The following TTL variants were observed in gnomAD, a reference collection of about 807,000 sequenced individuals.
TTL encodes tubulin--tyrosine ligase.
TTL carries 10 observed loss-of-function variants against 41.1 expected under a neutral mutation model. That is an observed-to-expected ratio of 0.24 (90% CI 0.15 to 0.41). The LOEUF (loss-of-function observed/expected upper bound fraction) is 0.41, where lower values mean the gene tolerates loss of function less well. TTL is among the 10% of genes least tolerant of loss of function. The pLI is 1.00. For missense variants in TTL, 367 were observed against 460.4 expected (o/e 0.80, Z 1.86); for synonymous variants, 175 against 175.5 (o/e 1.00, Z 0.02).
At chr2:112,499,159 A>G (rs1681620268) in intron 3 of TTL, among the ~76,000 whole-genome samples, 1 of 152,058 alleles carries the variant, frequency 6.6e-6, no homozygotes, top group African/African-American at 2.4e-5. Context: ...CTAAGAATAC[A>G]AAAAAATTAG....
In TTL at chr2:112,528,708, C is replaced by T. The variant is rs904403834; in HGVS notation, c.1047C>T (p.Gly349=). Residue 349 remains glycine (G), a synonymous_variant, in exon 7 of 7, where the codon GGC becomes GGT. Transcript: ENST00000233336. ...AGCTCTATGCAGAACTGTGCCAAGG[C>T]ATCGTGGACATAGCCATTTCCAGTG... is the stretch of plus-strand genomic sequence containing the variant. ...AQKLYAELCQ[G]IVDIAISSVF... 2 of 1,614,112 alleles carry T rather than the reference C, an allele frequency of 1.2e-6. No individual in the cohort carries two copies. Among genetic ancestry groups the T allele is most frequent in the Non-Finnish European group, 1.7e-6 (2 of 1,179,992 alleles).
chr2:112,497,970 C>A (rs930661863), intron 3 of TTL, among the ~76,000 whole-genome samples: 3 of 152,198 alleles, frequency 2.0e-5, no homozygotes, highest in Non-Finnish European at 4.4e-5. Flanking sequence ...GAGCAACACA[C>A]AAAACTTAAT....
Position 112,500,139 on chromosome 2 carries a change from A to G in TTL, c.470-1067A>G, listed in dbSNP as rs182083877. Among the ~76,000 whole-genome samples the G allele has an allele frequency of 2.0e-4, 30 of 152,284 alleles. No homozygotes were observed. In the East Asian group the frequency reaches 4.2e-3, roughly 22 times the overall value. On this transcript the variant is annotated intron_variant, in intron 3 of 6. Coordinates refer to ENST00000233336, the MANE Select transcript of TTL (RefSeq NM_153712.5). The stretch of plus-strand genomic sequence containing the variant: ...CCACATACTGTGTGATTCCATTTAT[A>G]TGAAATGTCCAGATGAGACATCCAT...
chr2:112,532,256 C>T lies in TTL; in HGVS notation c.*3461C>T, dbSNP rs1399946928. Reference sequence around the variant, plus strand: ...GGGCACCGGAGTAGGTCCCGTGTAGCATGCGGGTGCTGTAGAGAAAATTCA... The same window carrying T: ...GGGCACCGGAGTAGGTCCCGTGTAGTATGCGGGTGCTGTAGAGAAAATTCA... On this transcript the variant is annotated 3_prime_UTR_variant, in exon 7 of 7. Coordinates refer to ENST00000233336, the MANE Select transcript of TTL (RefSeq NM_153712.5). 4.4e-6 allele frequency: 1 copy of T among 228,502 alleles called. No homozygotes were observed. The highest frequency in any genetic ancestry group is 2.2e-5 in the African/African-American group (1 of 45,070). The allele number at this position is 228,502 out of a possible 1,614,324, so 14.2% of individuals were successfully genotyped here. A position where few individuals can be genotyped will look rare whatever the true frequency, so the allele number is the denominator to read the frequency against.
chr2:112,521,860 C>T (rs559171154), intron 6 of TTL, among the ~76,000 whole-genome samples: 1 of 152,294 alleles, frequency 6.6e-6, no homozygotes, highest in South Asian at 2.1e-4. Flanking sequence ...CAAGGGCCCA[C>T]GATGGGAAGT....
intron 5 of TTL, among the ~76,000 whole-genome samples, chr2:112,517,089 G>C (rs1042257959): frequency 2.7e-5 from 4 of 147,218 alleles, no homozygotes; most frequent in African/African-American, 1.0e-4. Context: ...AAAAAAAGAT[G>C]CACTGTATAA....
chr2:112,530,939 CAAATAAATTT>C lies in TTL; in HGVS notation c.*2155_*2164del, dbSNP rs1682491952. The C allele has an allele frequency of 5.7e-6, 1 of 176,564 alleles. No homozygotes were observed. Among genetic ancestry groups the C allele is most frequent in the African/African-American group, 2.4e-5 (1 of 42,112 alleles). 10.9% of individuals were successfully genotyped at this position (176,564 alleles called of 1,614,324 possible). On this transcript the variant is annotated 3_prime_UTR_variant, in exon 7 of 7. Coordinates refer to ENST00000233336, the MANE Select transcript of TTL (RefSeq NM_153712.5). ...ATTTTTAAAATTTGATTTTAAATTT[CAAATAAATTT>C]AAATAAATTTTAAATAAATTTTAAA...
In TTL at chr2:112,535,936, C is replaced by T. The variant is rs1255969871; in HGVS notation, c.*7141C>T. The T allele has an allele frequency of 6.6e-6, 1 of 152,184 alleles. No individual in the cohort carries two copies. The highest frequency in any genetic ancestry group is 1.5e-5 in the Non-Finnish European group (1 of 68,052). 9.4% of individuals were successfully genotyped at this position (152,184 alleles called of 1,614,324 possible). On this transcript the variant is annotated 3_prime_UTR_variant, in exon 7 of 7. Transcript: ENST00000233336. ...CTTCCCACCTTAGCCACCCAAGTAGCTGGAACTATAGGTGCCTGCCACCAT... is the reference window on the plus strand; with the variant it reads ...CTTCCCACCTTAGCCACCCAAGTAGTTGGAACTATAGGTGCCTGCCACCAT...
Position 112,536,716 on chromosome 2 carries a change from G to C in TTL, c.*7921G>C, listed in dbSNP as rs1259943913. On this transcript the variant is annotated 3_prime_UTR_variant, in exon 7 of 7. Transcript: ENST00000233336. ...CCTCTTGTCATCTTTAGTGTCTCTT[G>C]TTGCCATTTTTGTGTCCATGTGTAT... is the stretch of plus-strand genomic sequence containing the variant. The C allele has an allele frequency of 6.6e-6, 1 of 151,988 alleles. No individual in the cohort carries two copies. The highest frequency in any genetic ancestry group is 1.9e-4 in the East Asian group (1 of 5,178). The allele number at this position is 151,988 out of a possible 1,614,324, so 9.4% of individuals were successfully genotyped here.
intron 6 of TTL, among the ~76,000 whole-genome samples, chr2:112,526,639 T>C (rs1255212208): frequency 6.6e-6 from 1 of 152,230 alleles, no homozygotes; most frequent in Non-Finnish European, 1.5e-5. Flanking sequence ...TGATAACCCC[T>C]TTATCATTTT....
intron 6 of TTL, chr2:112,521,164 A>G: frequency 1.0e-6 from 1 of 985,168 alleles, no homozygotes; most frequent in Non-Finnish European, 1.2e-6. Context: ...TGGTGGGGAG[A>G]GTCTTCCAAA....
Position 112,529,010 on chromosome 2 carries a change from G to T in TTL, c.*215G>T, listed in dbSNP as rs1227263546. The T allele has an allele frequency of 2.5e-5, 14 of 567,494 alleles. No individual in the cohort carries two copies. The highest frequency in any genetic ancestry group is 4.4e-5 in the Non-Finnish European group (14 of 317,482). 35.2% of individuals were successfully genotyped at this position (567,494 alleles called of 1,614,324 possible). On this transcript the variant is annotated 3_prime_UTR_variant, in exon 7 of 7. Coordinates refer to ENST00000233336, the MANE Select transcript of TTL (RefSeq NM_153712.5). The stretch of plus-strand genomic sequence containing the variant: ...ATGTAGCTCTCAGCAGTGCTGTTGA[G>T]ACTTTTGAAAACAACTTTGGTACAC...
rs1239921742 is a variant in TTL, at chr2:112,539,208, A to C, written c.*10413A>C. The stretch of plus-strand genomic sequence containing the variant: ...GGGGAGCAAAGATTGAAAACTACCT[A>C]TTGGATACTGTGCTCGCTACCTGGG... On this transcript the variant is annotated 3_prime_UTR_variant, in exon 7 of 7. Coordinates refer to ENST00000233336, the MANE Select transcript of TTL (RefSeq NM_153712.5). The C allele has an allele frequency of 6.6e-6, 1 of 151,728 alleles. No homozygotes were observed. Among genetic ancestry groups the C allele is most frequent in the Non-Finnish European group, 1.5e-5 (1 of 67,974 alleles). The allele number at this position is 151,728 out of a possible 1,614,324, so 9.4% of individuals were successfully genotyped here.
At position 112,527,458 on chromosome 2, in the gene TTL, G is replaced by C. The variant is rs924019696; in HGVS notation, c.1020-1223G>C. ...ATTGTGTAGGAGTCTAAGTCTCTTT[G>C]TAAGTCTCTAAGGACTTGCTTTATG... On this transcript the variant is annotated intron_variant, in intron 6 of 6. Coordinates refer to ENST00000233336, the MANE Select transcript of TTL (RefSeq NM_153712.5). Among the ~76,000 whole-genome samples the C allele has an allele frequency of 5.3e-5, 8 of 152,314 alleles. No homozygotes were observed. In the East Asian group the frequency reaches 1.5e-3, roughly 29 times the overall value.
intron 1 of TTL, among the ~76,000 whole-genome samples, chr2:112,484,311 T>C (rs540963614): frequency 5.1e-4 from 77 of 151,508 alleles, no homozygotes; most frequent in African/African-American, 1.8e-3. Context: ...TCGCCCAGGC[T>C]GGAGTGCAGT....
rs1682716480 is a variant in TTL, at chr2:112,541,013, C to T, written c.*12218C>T. The T allele has an allele frequency of 6.6e-6, 1 of 152,202 alleles. No homozygotes were observed. The highest frequency in any genetic ancestry group is 2.4e-5 in the African/African-American group (1 of 41,446). The allele number at this position is 152,202 out of a possible 1,614,324, so 9.4% of individuals were successfully genotyped here. A position where few individuals can be genotyped will look rare whatever the true frequency, so the allele number is the denominator to read the frequency against. On this transcript the variant is annotated 3_prime_UTR_variant, in exon 7 of 7. Transcript: ENST00000233336. Reference sequence around the variant, plus strand: ...ACTGAGGAAGTACAATTGGAATGTTCATGACAGAAATGATGAATGCTTGAG... The same window carrying T: ...ACTGAGGAAGTACAATTGGAATGTTTATGACAGAAATGATGAATGCTTGAG...
At chr2:112,521,269 C>T (rs980081727) in intron 6 of TTL, 51 of 985,210 alleles carry the variant, frequency 5.2e-5, no homozygotes, top group African/African-American at 1.0e-4. Context: ...ACCTGCTCTC[C>T]GGAACTTCTG....
chr2:112,491,360 A>T (rs899253680), intron 2 of TTL, among the ~76,000 whole-genome samples: 1 of 152,174 alleles, frequency 6.6e-6, no homozygotes, highest in African/African-American at 2.4e-5. Flanking sequence ...TTGAGGCAAA[A>T]CACCCAAAGT....
At chr2:112,498,121 C>T (rs1226052983) in intron 3 of TTL, among the ~76,000 whole-genome samples, 5 of 152,058 alleles carry the variant, frequency 3.3e-5, no homozygotes, top group Non-Finnish European at 5.9e-5. Context: ...GTCAGGAGTT[C>T]GAGACCAGTC....
Sources: allele counts gnomAD v4.1 joint callset (sites outside exome capture counted in the v4.1 genomes callset), GRCh38; gene constraint gnomAD v4.1.1; transcripts MANE v1.5; gene names NCBI Gene and HGNC (gene_info 2026-07-23, HGNC 2026-07-21).